Variants in TTC28 observed in about 807,000 individuals in gnomAD.
The protein encoded by TTC28 is tetratricopeptide repeat domain 28, also known as tetratricopeptide repeat protein 28.
TTC28 carries 61 observed loss-of-function variants against 198.0 expected under a neutral mutation model. That is an observed-to-expected ratio of 0.31 (90% CI 0.25 to 0.38). The LOEUF is 0.38. Among genes scored for constraint, TTC28 ranks in the 10% least tolerant of loss-of-function variants. The pLI, the probability that TTC28 is intolerant of heterozygous loss-of-function variation, is 1.00. For missense variants in TTC28, 2,678 were observed against 3,164.0 expected (o/e 0.85, Z 3.69); for synonymous variants, 1,171 against 1,297.8 (o/e 0.90, Z 2.10).
intron 11 of TTC28, among the ~76,000 whole-genome samples, 176 bp from the exon 12 acceptor site, chr22:28,094,421 G>C (rs1941909229): frequency 6.6e-6 from 1 of 152,140 alleles, no homozygotes; most frequent in Non-Finnish European, 1.5e-5. Flanking sequence ...TCTCTATTTT[G>C]GTCAGTATCC....
rs1367510448 is a variant in TTC28, at chr22:28,341,897, C to T, written c.382-35254G>A. ...GAAAGGCTGAGGTGGGAAGATGGCTCGGGCCCAGGAGTTCAAGGTTACAGT... is the reference window on the plus strand; with the variant it reads ...GAAAGGCTGAGGTGGGAAGATGGCTTGGGCCCAGGAGTTCAAGGTTACAGT... On this transcript the variant is annotated intron_variant, in intron 2 of 22. Transcript: ENST00000397906. Among the ~76,000 whole-genome samples, 10 of 152,112 alleles carry T rather than the reference C, an allele frequency of 6.6e-5. No individual in the cohort carries two copies. The South Asian group carries it at 1.5e-3, about 22-fold the overall frequency.
At chr22:28,096,519 C>T in intron 10 of TTC28, 111 bp from the exon 11 acceptor site, 2 of 1,100,640 alleles carry the variant, frequency 1.8e-6, no homozygotes, top group Non-Finnish European at 2.6e-6. Context: ...CCTCTACTCT[C>T]CAATATGTGA....
Position 27,981,998 on chromosome 22 carries a change from C to G in TTC28, c.*223G>C. On this transcript the variant is annotated 3_prime_UTR_variant, in exon 23 of 23. Transcript: ENST00000397906. ...GAAGTGTGTAGGAAATTCCATGAGC[C>G]TCCTGTACCAGCCCCACAGAAGTCC... The G allele has an allele frequency of 2.2e-6, 1 of 453,566 alleles. No homozygotes were observed. Among genetic ancestry groups the G allele is most frequent in the Non-Finnish European group, 3.8e-6 (1 of 260,148 alleles). 28.1% of individuals were successfully genotyped at this position (453,566 alleles called of 1,614,324 possible).
chr22:28,425,748 G>C (rs1407347842), intron 2 of TTC28, among the ~76,000 whole-genome samples: 2 of 152,196 alleles, frequency 1.3e-5, no homozygotes, highest in African/African-American at 2.4e-5. Flanking sequence ...CTTGAAGAAT[G>C]AGTTCAACTT....
intron 2 of TTC28, among the ~76,000 whole-genome samples, chr22:28,555,982 G>C (rs1409640906): frequency 6.6e-6 from 1 of 151,566 alleles, no homozygotes; most frequent in Non-Finnish European, 1.5e-5. Flanking sequence ...ACTTTTCTGA[G>C]ATCATTTTCC....
intron 12 of TTC28, among the ~76,000 whole-genome samples, chr22:28,042,762 G>A (rs1451762402): frequency 3.9e-5 from 6 of 151,954 alleles, no homozygotes; most frequent in Non-Finnish European, 7.4e-5. Context: ...TCCTTTTAGG[G>A]ATAGCAAAGA....
At chr22:28,407,781 C>T (rs949489143) in intron 2 of TTC28, among the ~76,000 whole-genome samples, 2 of 152,082 alleles carry the variant, frequency 1.3e-5, no homozygotes, top group Non-Finnish European at 2.9e-5. Context: ...TTCTTATCTC[C>T]CCTATTTTTC....
At chr22:28,435,850 G>A (rs550027675) in intron 2 of TTC28, among the ~76,000 whole-genome samples, 1 of 152,274 alleles carries the variant, frequency 6.6e-6, no homozygotes, top group East Asian at 1.9e-4. Context: ...GGACTAAAAG[G>A]AGTAAAGATT....
intron 17 of TTC28, chr22:27,994,633 G>C (rs902566539): frequency 6.6e-6 from 1 of 152,196 alleles, no homozygotes; most frequent in East Asian, 1.9e-4. Context: ...GGGTCAAGGA[G>C]TATCCAGGAG....
chr22:28,649,224 C>T (rs9625522), intron 1 of TTC28, among the ~76,000 whole-genome samples: 1 of 151,906 alleles, frequency 6.6e-6, no homozygotes, highest in Non-Finnish European at 1.5e-5. Flanking sequence ...GGAGGTGGGA[C>T]AGGGCTAAGG....
At chr22:28,060,539 T>C (rs980270326) in intron 12 of TTC28, among the ~76,000 whole-genome samples, 8 of 152,244 alleles carry the variant, frequency 5.3e-5, no homozygotes, top group Non-Finnish European at 1.2e-4. Context: ...CTATTGTGAA[T>C]AGTGCTGCAA....
At chr22:28,069,249 C>T (rs1940871836) in intron 12 of TTC28, among the ~76,000 whole-genome samples, 1 of 152,162 alleles carries the variant, frequency 6.6e-6, no homozygotes, top group South Asian at 2.1e-4. Context: ...CGTTTGTATT[C>T]TAGTTCCATC....
chr22:28,555,896 A>G (rs531362879), intron 2 of TTC28, among the ~76,000 whole-genome samples: 2 of 152,068 alleles, frequency 1.3e-5, no homozygotes, highest in East Asian at 3.9e-4. Flanking sequence ...ATTAGATGCT[A>G]CTCTTTTATA....
Position 28,021,893 on chromosome 22 carries a change from A to G in TTC28, c.4074-7501T>C, listed in dbSNP as rs535443332. On this transcript the variant is annotated intron_variant, in intron 13 of 22. Coordinates refer to ENST00000397906, the MANE Select transcript of TTC28 (RefSeq NM_001145418.2). ...GGGGTGAGAAGGGAACTAAACTGAT[A>G]TGGGGCATCTTCTAGAGTACGGACA... Among the ~76,000 whole-genome samples, 53 of 152,294 alleles carry G rather than the reference A, an allele frequency of 3.5e-4. 1 individual carries two copies. Among genetic ancestry groups the G allele is most frequent in the Admixed American group, 8.5e-4 (13 of 15,306 alleles).
At chr22:28,358,105 G>T (rs2046105572) in intron 2 of TTC28, among the ~76,000 whole-genome samples, 1 of 151,996 alleles carries the variant, frequency 6.6e-6, no homozygotes, top group African/African-American at 2.4e-5. Context: ...ACCTTATTTT[G>T]AGAATTAAAC....
chr22:28,178,749 T>C (rs531438636), intron 5 of TTC28, among the ~76,000 whole-genome samples: 6 of 152,328 alleles, frequency 3.9e-5, no homozygotes, highest in East Asian at 1.9e-4. Context: ...CATTGATCAT[T>C]ATAATAAACC....
rs1056581062 is a variant in TTC28, at chr22:27,981,103, C to CAAAGG, written c.*1113_*1117dup. The CAAAGG allele has an allele frequency of 6.6e-6, 1 of 152,032 alleles. No individual in the cohort carries two copies. The highest frequency in any genetic ancestry group is 1.5e-5 in the Non-Finnish European group (1 of 68,152). The allele number at this position is 152,032 out of a possible 1,614,324, so 9.4% of individuals were successfully genotyped here. A position where few individuals can be genotyped will look rare whatever the true frequency, so the allele number is the denominator to read the frequency against. On this transcript the variant is annotated 3_prime_UTR_variant, in exon 23 of 23. Transcript: ENST00000397906. ...AGGTGCTGGGATTGTGGGGACCTGG[C>CAAAGG]AAAGGATTTAGATATAAGACAACTG...
intron 5 of TTC28, among the ~76,000 whole-genome samples, chr22:28,198,362 T>C (rs552165705): frequency 2.0e-5 from 3 of 152,210 alleles, no homozygotes; most frequent in East Asian, 1.9e-4. Flanking sequence ...TTGAGAGCCA[T>C]TGCTTTTTAT....
chr22:28,617,513 C>T (rs2050921976), intron 2 of TTC28, among the ~76,000 whole-genome samples: 2 of 151,590 alleles, frequency 1.3e-5, no homozygotes, highest in South Asian at 4.2e-4. Flanking sequence ...ATAAAGGGGG[C>T]ATATGATATG....
Sources: gnomAD v4.1 joint callset for allele counts (sites outside exome capture counted in the v4.1 genomes callset) on GRCh38, gnomAD v4.1.1 for gene constraint, MANE v1.5 for transcripts, NCBI Gene and HGNC (gene_info 2026-07-23, HGNC 2026-07-21) for gene names.